Variants in FMN1 observed in about 807,000 individuals in gnomAD.
The protein encoded by FMN1 is formin 1.
A neutral mutation model predicts 132.4 loss-of-function variants in FMN1; 110 were observed. The ratio of observed to expected loss-of-function variants is 0.83; its 90% CI spans 0.71 to 0.97. FMN1 has a LOEUF of 0.97. FMN1 is among the 50% of genes least tolerant of loss of function. The pLI is 0.00. For synonymous variants in FMN1, 722 were observed against 651.7 expected, an observed-to-expected ratio of 1.11 and a Z score of -1.64; for missense variants, 1,792 against 1,705.3, an observed-to-expected ratio of 1.05 and a Z score of -0.90.
At chr15:32,931,691 T>C (rs1490106810) in intron 9 of FMN1, among the ~76,000 whole-genome samples, 1 of 152,222 alleles carries the variant, frequency 6.6e-6, no homozygotes, top group Non-Finnish European at 1.5e-5. Context: ...TGCCTTTTAT[T>C]TCTCTCTCTT....
intron 6 of FMN1, 128 bp downstream of exon 6, chr15:33,064,829 A>C: frequency 1.6e-6 from 1 of 622,632 alleles, no homozygotes; most frequent in Non-Finnish European, 2.7e-6. Context: ...CAAAACCAAA[A>C]AGAAACCCTT....
At chr15:33,128,753 A>G (rs1476416599) in intron 4 of FMN1, among the ~76,000 whole-genome samples, 2 of 152,210 alleles carry the variant, frequency 1.3e-5, no homozygotes, top group African/African-American at 2.4e-5. Context: ...GTGAATTTTA[A>G]AGCCCTTAAA....
At chr15:33,091,684 A>C (rs1209431713) in intron 4 of FMN1, among the ~76,000 whole-genome samples, 1 of 152,230 alleles carries the variant, frequency 6.6e-6, no homozygotes, top group Non-Finnish European at 1.5e-5. Flanking sequence ...TTATAAAATA[A>C]TTTGGGAATG....
At chr15:33,104,814 G>C (rs146120577) in intron 4 of FMN1, among the ~76,000 whole-genome samples, 32 of 152,228 alleles carry the variant, frequency 2.1e-4, no homozygotes, top group Non-Finnish European at 3.7e-4. Context: ...AAAGGGATTT[G>C]ACACTACTTG....
chr15:33,127,810 T>G (rs542642221), intron 4 of FMN1, among the ~76,000 whole-genome samples: 2 of 152,178 alleles, frequency 1.3e-5, no homozygotes, highest in African/African-American at 4.8e-5. Flanking sequence ...ACATCCAAGA[T>G]CTCATTCCTC....
At chr15:32,842,727 G>A (rs2058771417) in intron 17 of FMN1, among the ~76,000 whole-genome samples, 1 of 151,682 alleles carries the variant, frequency 6.6e-6, no homozygotes, top group Admixed American at 6.6e-5. Context: ...AGTTTGATGG[G>A]CACAATAACC....
intron 4 of FMN1, among the ~76,000 whole-genome samples, chr15:33,115,068 T>A (rs1160446638): frequency 6.6e-6 from 1 of 152,164 alleles, no homozygotes; most frequent in African/African-American, 2.4e-5. Context: ...AAATGCTGAT[T>A]AAGCACCCAC....
chr15:33,074,703 G>A lies in FMN1; in HGVS notation c.2044-9629C>T, dbSNP rs116588634. ...TAATCTTGTGATGACCAAGGAACAC[G>A]GGCAGTGTGCATAGTTAAGAACAGG... On this transcript the variant is annotated intron_variant, in intron 5 of 20. Coordinates refer to ENST00000616417, the MANE Select transcript of FMN1 (RefSeq NM_001277313.2). 3.7e-3 allele frequency among the ~76,000 whole-genome samples: 557 copies of A among 152,188 alleles called. 3 individuals are homozygous for A. The highest frequency in any genetic ancestry group is 0.013 in the African/African-American group (529 of 41,502).
At position 33,176,062 on chromosome 15, in the gene FMN1, C is replaced by T. The variant is rs570323365; in HGVS notation, c.-132+4136G>A. Among the ~76,000 whole-genome samples, 229 of 152,256 alleles carry T rather than the reference C, an allele frequency of 1.5e-3. 2 individuals are homozygous for T. Among genetic ancestry groups the T allele is most frequent in the Non-Finnish European group, 2.4e-3 (166 of 68,010 alleles). Reference sequence around the variant, plus strand: ...TTAGAGGGCCCCAAAGCAAATGGTACATTTTCCTTTTAAAAATCATTCCTG... The same window carrying T: ...TTAGAGGGCCCCAAAGCAAATGGTATATTTTCCTTTTAAAAATCATTCCTG... On this transcript the variant is annotated intron_variant, in intron 3 of 20. Coordinates refer to ENST00000616417, the MANE Select transcript of FMN1 (RefSeq NM_001277313.2).
rs574852806 is a variant in FMN1, at chr15:32,887,117, C to T, written c.3835+1055G>A. ...AAAAATAAATGGCTCTCTTTGCCAC[C>T]GGGAGCAGATCTTTCCCACTTTACT... On this transcript the variant is annotated intron_variant, in intron 16 of 20. Transcript: ENST00000616417. 5.9e-5 allele frequency among the ~76,000 whole-genome samples: 9 copies of T among 152,256 alleles called. No individual in the cohort carries two copies. The South Asian group carries it at 1.2e-3, about 21-fold the overall frequency.
intron 19 of FMN1, among the ~76,000 whole-genome samples, chr15:32,784,839 T>C (rs1052340710): frequency 2.0e-5 from 3 of 152,184 alleles, no homozygotes; most frequent in African/African-American, 7.2e-5. Context: ...ATTTTATTTA[T>C]GGTCTTTTCT....
chr15:33,042,348 A>G (rs1383024536), intron 6 of FMN1, among the ~76,000 whole-genome samples: 1 of 152,198 alleles, frequency 6.6e-6, no homozygotes, highest in Non-Finnish European at 1.5e-5. Flanking sequence ...ATTCCAGTAA[A>G]AATTACAATA....
intron 15 of FMN1, among the ~76,000 whole-genome samples, chr15:32,889,643 T>C (rs1032529292): frequency 6.6e-6 from 1 of 152,324 alleles, no homozygotes; most frequent in Admixed American, 6.5e-5. Context: ...CACTTCCTTG[T>C]TCATACTCAT....
At chr15:33,004,660 C>A (rs1407239320) in intron 7 of FMN1, among the ~76,000 whole-genome samples, 1 of 152,144 alleles carries the variant, frequency 6.6e-6, no homozygotes, top group Admixed American at 6.5e-5. Context: ...ACTAGAAATA[C>A]CATTTGACCC....
At chr15:33,085,705 A>T (rs1419655952) in intron 5 of FMN1, among the ~76,000 whole-genome samples, 4 of 152,004 alleles carry the variant, frequency 2.6e-5, no homozygotes, top group Admixed American at 2.6e-4. Context: ...TCCACCTCCT[A>T]GAATTTTATC....
chr15:32,899,971 ATAAATACCC>A lies in FMN1; in HGVS notation c.3653_3654+7del, dbSNP rs761936397. 2.5e-6 allele frequency: 4 copies of A among 1,611,334 alleles called. No individual in the cohort carries two copies. Among genetic ancestry groups the A allele is most frequent in the Non-Finnish European group, 1.7e-6 (2 of 1,179,234 alleles). ...AGATCATGGGAACTTATTATGAAAA[ATAAATACCC>A]GACTTTTGACATCCTTGAGTTTGGG... is the stretch of plus-strand genomic sequence containing the variant. On this transcript the variant is annotated splice_donor_variant and splice_donor_5th_base_variant and coding_sequence_variant and intron_variant, in exon 14 of 21. Transcript: ENST00000616417. LOFTEE classifies it high-confidence loss of function.
chr15:32,806,234 G>C (rs896614502), intron 17 of FMN1, among the ~76,000 whole-genome samples: 3 of 152,150 alleles, frequency 2.0e-5, no homozygotes, highest in African/African-American at 7.2e-5. Flanking sequence ...GATACTTCAT[G>C]AAAGATAAGG....
At chr15:33,091,504 T>C (rs904182947) in intron 4 of FMN1, among the ~76,000 whole-genome samples, 13 of 152,182 alleles carry the variant, frequency 8.5e-5, no homozygotes. Context: ...GAAGGAAACA[T>C]GCAAGGTAAA....
intron 4 of FMN1, among the ~76,000 whole-genome samples, chr15:33,126,958 G>A (rs755420414): frequency 6.6e-6 from 1 of 152,196 alleles, no homozygotes; most frequent in Non-Finnish European, 1.5e-5. Context: ...AAGAACTGTG[G>A]TTGGCTGACT....
Sources: gnomAD v4.1 joint callset for allele counts (sites outside exome capture counted in the v4.1 genomes callset) on GRCh38, gnomAD v4.1.1 for gene constraint, MANE v1.5 for transcripts, NCBI Gene and HGNC (gene_info 2026-07-23, HGNC 2026-07-21) for gene names.